Variants in PKIB observed in about 807,000 individuals in gnomAD.
PKIB encodes the protein PKI-beta.
In PKIB, 2 loss-of-function variants were observed where a neutral mutation model predicts 4.5. The observed-to-expected ratio is 0.44, with a 90% confidence interval of 0.18 to 1.39. The LOEUF (loss-of-function observed/expected upper bound fraction) is 1.39. Among genes scored for constraint, PKIB ranks in the 40% most tolerant of loss-of-function variants. PKIB has a pLI of 0.27. For missense variants in PKIB, 94 were observed against 92.6 expected, an observed-to-expected ratio of 1.02 and a Z score of -0.06; for synonymous variants, 38 against 36.0, an observed-to-expected ratio of 1.06 and a Z score of -0.20.
At chr6:122,534,299 TG>T (rs1195921107) in intron 2 of PKIB, among the ~76,000 whole-genome samples, 1 of 151,904 alleles carries the variant, frequency 6.6e-6, no homozygotes, top group Non-Finnish European at 1.5e-5. Context: ...TCTCTGGTTG[TG>T]GGGACATAGA....
chr6:122,681,258 A>G (rs1020757791), intron 3 of PKIB, among the ~76,000 whole-genome samples: 1 of 152,204 alleles, frequency 6.6e-6, no homozygotes, highest in Admixed American at 6.5e-5. Context: ...TCTTTAAAAC[A>G]ATTATAAAAC....
intron 2 of PKIB, among the ~76,000 whole-genome samples, chr6:122,509,593 G>T (rs1264334459): frequency 6.6e-6 from 1 of 151,806 alleles, no homozygotes; most frequent in African/African-American, 2.4e-5. Context: ...ACCACACCCA[G>T]CTAATTTTTT....
At chr6:122,675,471 G>C (rs1777634319) in intron 3 of PKIB, among the ~76,000 whole-genome samples, 1 of 152,158 alleles carries the variant, frequency 6.6e-6, no homozygotes, top group Non-Finnish European at 1.5e-5. Context: ...ATTTTAGAGA[G>C]TTTGTCACAT....
intron 1 of PKIB, among the ~76,000 whole-genome samples, chr6:122,632,985 A>T (rs973420481): frequency 4.6e-5 from 7 of 152,234 alleles, no homozygotes; most frequent in Non-Finnish European, 1.0e-4. Context: ...TGCTCAGAAT[A>T]CAATTGATGT....
At chr6:122,700,281 G>T in intron 3 of PKIB, among the ~76,000 whole-genome samples, 2 of 124,594 alleles carry the variant, frequency 1.6e-5, no homozygotes, top group Admixed American at 8.7e-5. Flanking sequence ...TTTTAGTGGT[G>T]GTCACTGGAC....
chr6:122,548,879 G>T (rs1210127021), intron 2 of PKIB, among the ~76,000 whole-genome samples: 3 of 152,088 alleles, frequency 2.0e-5, no homozygotes, highest in Non-Finnish European at 4.4e-5. Context: ...ATGTATACCT[G>T]TATAAAATAA....
At chr6:122,677,461 T>G (rs1480140778) in intron 3 of PKIB, among the ~76,000 whole-genome samples, 1 of 152,142 alleles carries the variant, frequency 6.6e-6, no homozygotes, top group Non-Finnish European at 1.5e-5. Flanking sequence ...GGATGAGGGG[T>G]TGTAGTCAGA....
chr6:122,638,087 A>G (rs1275924908), intron 2 of PKIB, among the ~76,000 whole-genome samples: 3 of 152,238 alleles, frequency 2.0e-5, no homozygotes, highest in Admixed American at 6.5e-5. Context: ...GAGTGACACA[A>G]TGATAAAATT....
chr6:122,602,631 T>A (rs762637281), intron 3 of PKIB, among the ~76,000 whole-genome samples: 10 of 152,106 alleles, frequency 6.6e-5, no homozygotes, highest in Middle Eastern at 3.4e-3. Context: ...ATAGGGTAAG[T>A]TGGCCAGGCG....
chr6:122,481,524 C>G (rs1418538722), intron 2 of PKIB: 1 of 152,110 alleles, frequency 6.6e-6, no homozygotes, highest in Non-Finnish European at 1.5e-5. Context: ...AGTATCATAT[C>G]AAAACTGATT....
chr6:122,496,644 A>G (rs1297592905), intron 2 of PKIB, among the ~76,000 whole-genome samples: 3 of 152,150 alleles, frequency 2.0e-5, no homozygotes, highest in Non-Finnish European at 2.9e-5. Context: ...GAGCTTGAAA[A>G]CTATTCTTTT....
chr6:122,531,183 A>T (rs1204625894), intron 2 of PKIB: 4 of 152,210 alleles, frequency 2.6e-5, no homozygotes, highest in Admixed American at 6.5e-5. Context: ...CACAAAAGAA[A>T]ATATGTATGT....
At chr6:122,556,313 A>G (rs934736872) in intron 2 of PKIB, among the ~76,000 whole-genome samples, 1 of 152,174 alleles carries the variant, frequency 6.6e-6, no homozygotes, top group Non-Finnish European at 1.5e-5. Flanking sequence ...TCCTTTATGA[A>G]TTAGCCAGTC....
At chr6:122,515,750 T>C (rs1776728652) in intron 2 of PKIB, among the ~76,000 whole-genome samples, 1 of 152,176 alleles carries the variant, frequency 6.6e-6, no homozygotes. Context: ...GGAGTCTTAC[T>C]CTGTCACTAG....
At chr6:122,634,300 A>G (rs1210862904) in intron 2 of PKIB, among the ~76,000 whole-genome samples, 1 of 152,112 alleles carries the variant, frequency 6.6e-6, no homozygotes, top group East Asian at 1.9e-4. Context: ...TGGCACGTGT[A>G]TACCTATGCA....
intron 2 of PKIB, among the ~76,000 whole-genome samples, chr6:122,578,943 T>A (rs185781223): frequency 6.6e-6 from 1 of 152,336 alleles, no homozygotes; most frequent in Non-Finnish European, 1.5e-5. Context: ...TGCCACCATG[T>A]AAAGAAGAAC....
At chr6:122,547,481 G>A (rs866063456) in intron 2 of PKIB, among the ~76,000 whole-genome samples, 3 of 151,874 alleles carry the variant, frequency 2.0e-5, no homozygotes, top group African/African-American at 4.9e-5. Context: ...AATTACAGGC[G>A]CCCGCCACCA....
At chr6:122,587,238 C>T (rs1773877605) in intron 3 of PKIB, among the ~76,000 whole-genome samples, 1 of 152,088 alleles carries the variant, frequency 6.6e-6, no homozygotes, top group South Asian at 2.1e-4. Context: ...CATGTGTTCT[C>T]ATTGTTCAAT....
chr6:122,539,312 G>T (rs915132652), intron 2 of PKIB, among the ~76,000 whole-genome samples: 2 of 152,044 alleles, frequency 1.3e-5, no homozygotes, highest in African/African-American at 4.8e-5. Context: ...GATATTGGCT[G>T]TGGGTTTGTC....
Sources: allele counts gnomAD v4.1 joint callset (sites outside exome capture counted in the v4.1 genomes callset), GRCh38; gene constraint gnomAD v4.1.1; transcripts MANE v1.5; gene names NCBI Gene and HGNC (gene_info 2026-07-23, HGNC 2026-07-21).